Variants in DMD observed in about 807,000 individuals in gnomAD.
The protein encoded by DMD is dystrophin, also known as mutant dystrophin.
A neutral mutation model predicts 330.1 loss-of-function variants in DMD; 63 were observed. The observed-to-expected ratio is 0.19, with a 90% CI of 0.16 to 0.24. DMD has a LOEUF of 0.24. Ranked by LOEUF, DMD falls within the 10% of genes least tolerant of loss-of-function variation. DMD has a pLI of 1.00. For synonymous variants in DMD, 1,223 were observed against 959.8 expected, an observed-to-expected ratio of 1.27 and a Z score of -5.07; for missense variants, 3,344 against 2,684.1, an observed-to-expected ratio of 1.25 and a Z score of -5.43.
chrX:31,547,116 T>G (rs2074187442), intron 55 of DMD, among the ~76,000 whole-genome samples: 1 of 112,320 alleles, frequency 8.9e-6, no homozygotes, highest in Non-Finnish European at 1.9e-5. Flanking sequence ...ATAGTAGAAA[T>G]GTATTGGTGC....
chrX:32,985,954 G>A (rs995307297), intron 2 of DMD, among the ~76,000 whole-genome samples: 2 of 111,189 alleles, frequency 1.8e-5, no homozygotes, highest in South Asian at 3.8e-4. Context: ...AAGTATAGAA[G>A]ATGTCCAAGG....
chrX:32,706,695 G>A (rs1407808260), intron 7 of DMD, among the ~76,000 whole-genome samples: 1 of 112,319 alleles, frequency 8.9e-6, no homozygotes, highest in Middle Eastern at 4.2e-3. Flanking sequence ...AAAACTATTT[G>A]AGCGTTCTGT....
rs12841405 is a variant in DMD at position 32,896,635 on chromosome X, G to A, written c.94-46815C>T. On this transcript the variant is annotated intron_variant, in intron 2 of 78. Transcript: ENST00000357033. ...CTCCAGTAACTAAGATAATTCACTT[G>A]ACTGCAAGACAAGCAAAATATAGGA... Among the ~76,000 whole-genome samples the A allele has an allele frequency of 6.0e-3, 666 of 111,917 alleles. 3 individuals are homozygous for A. The highest frequency in any genetic ancestry group is 9.4e-3 in the Admixed American group (99 of 10,549).
At chrX:32,668,643 C>A (rs2061456201) in intron 9 of DMD, among the ~76,000 whole-genome samples, 1 of 111,466 alleles carries the variant, frequency 9.0e-6, no homozygotes, top group Admixed American at 9.6e-5. Context: ...CCGCCTGATA[C>A]TTATTTTATC....
intron 44 of DMD, among the ~76,000 whole-genome samples, chrX:32,169,467 A>C (rs1254160446): frequency 9.0e-6 from 1 of 111,615 alleles, no homozygotes; most frequent in Non-Finnish European, 1.9e-5. Context: ...AAGGCAATAA[A>C]AGGGGGGTAT....
At chrX:32,824,117 G>A (rs761180502) in intron 4 of DMD, among the ~76,000 whole-genome samples, 2 of 112,128 alleles carry the variant, frequency 1.8e-5, no homozygotes, top group African/African-American at 3.2e-5. Context: ...AAATGCTGGT[G>A]AGGGTGTGGA....
At chrX:31,163,030 C>T (rs1169922526) in intron 74 of DMD, among the ~76,000 whole-genome samples, 2 of 111,844 alleles carry the variant, frequency 1.8e-5, no homozygotes, top group Non-Finnish European at 3.8e-5. Flanking sequence ...CTTATTCATC[C>T]TTGCCATAAA....
intron 54 of DMD, among the ~76,000 whole-genome samples, chrX:31,632,796 A>T (rs1398152753): frequency 1.8e-5 from 2 of 111,945 alleles, no homozygotes; most frequent in East Asian, 2.8e-4. Context: ...AGTAAATTGC[A>T]TTTTGATTTT....
At chrX:32,839,312 C>G (rs1388445542) in intron 4 of DMD, among the ~76,000 whole-genome samples, 1 of 111,746 alleles carries the variant, frequency 8.9e-6, no homozygotes, top group African/African-American at 3.3e-5. Flanking sequence ...CCAAGGCTCA[C>G]TCCCTTTCTC....
intron 60 of DMD, among the ~76,000 whole-genome samples, chrX:31,407,808 C>T (rs776492258): frequency 1.8e-4 from 20 of 110,897 alleles, no homozygotes; most frequent in South Asian, 3.8e-4. Flanking sequence ...TATCACTCAA[C>T]GTACAGCTCA....
At chrX:32,494,753 C>T (rs928523188) in intron 19 of DMD, among the ~76,000 whole-genome samples, 1 of 111,495 alleles carries the variant, frequency 9.0e-6, no homozygotes, top group Non-Finnish European at 1.9e-5. Flanking sequence ...TTCTTAATGA[C>T]TGAAACAGGA....
chrX:31,899,922 A>G (rs1201793724), intron 47 of DMD, among the ~76,000 whole-genome samples: 1 of 111,543 alleles, frequency 9.0e-6, no homozygotes, highest in Non-Finnish European at 1.9e-5. Context: ...GCCTATTAGT[A>G]GTAAGAAAAT....
At chrX:33,308,609 A>T (rs1464720891) in intron 1 of DMD, among the ~76,000 whole-genome samples, 1 of 111,639 alleles carries the variant, frequency 9.0e-6, no homozygotes, top group African/African-American at 3.3e-5. Context: ...CCCCTTACCA[A>T]TTCCTCTCCC....
At chrX:32,930,204 C>A (rs1269280234) in intron 2 of DMD, among the ~76,000 whole-genome samples, 4 of 110,857 alleles carry the variant, frequency 3.6e-5, no homozygotes, top group Non-Finnish European at 5.7e-5. Flanking sequence ...AAATACTATA[C>A]TGAAAGTCAA....
chrX:31,139,676 A>G (rs1163341947), intron 76 of DMD, among the ~76,000 whole-genome samples: 4 of 99,313 alleles, frequency 4.0e-5, no homozygotes, highest in African/African-American at 7.3e-5. Context: ...AGGCATGAGA[A>G]TGATACCATG....
At chrX:31,707,056 CGTT>C (rs772873342) in intron 52 of DMD, among the ~76,000 whole-genome samples, 2 of 100,486 alleles carry the variant, frequency 2.0e-5, no homozygotes, top group African/African-American at 7.1e-5. Context: ...CTTTTAATCT[CGTT>C]GTTTTTTTTT....
chrX:32,215,965 A>G (rs1040613831), intron 44 of DMD, among the ~76,000 whole-genome samples: 1 of 112,326 alleles, frequency 8.9e-6, no homozygotes, highest in African/African-American at 3.2e-5. Flanking sequence ...ATTAAAGGGC[A>G]TATTTACTAT....
intron 2 of DMD, among the ~76,000 whole-genome samples, chrX:32,967,821 A>G (rs2092224072): frequency 8.9e-6 from 1 of 111,881 alleles, no homozygotes; most frequent in Non-Finnish European, 1.9e-5. Flanking sequence ...AGATAGTTCA[A>G]CTGAATTGGA....
At chrX:32,461,049 C>T (rs771629281) in intron 25 of DMD, among the ~76,000 whole-genome samples, 16 of 110,368 alleles carry the variant, frequency 1.4e-4, no homozygotes, top group Middle Eastern at 4.7e-3. Flanking sequence ...TTTTATATAC[C>T]CAAAATTAGA....
Sources: gnomAD v4.1 joint callset for allele counts (sites outside exome capture counted in the v4.1 genomes callset) on GRCh38, gnomAD v4.1.1 for gene constraint, MANE v1.5 for transcripts, NCBI Gene and HGNC (gene_info 2026-07-23, HGNC 2026-07-21) for gene names.